Variants in COL21A1 observed in about 807,000 individuals in gnomAD.
COL21A1 encodes collagen alpha-1(XXI) chain.
Under a neutral mutation model 137.9 loss-of-function variants are expected in COL21A1, and 149 were observed. The ratio of observed to expected loss-of-function variants is 1.08; its 90% CI spans 0.95 to 1.24. The LOEUF (loss-of-function observed/expected upper bound fraction) is 1.24, where lower values mean the gene tolerates loss of function less well. Ranked by LOEUF, COL21A1 falls within the 50% of genes most tolerant of loss-of-function variation. The pLI, the probability that COL21A1 is intolerant of heterozygous loss-of-function variation, is 0.00. For missense variants in COL21A1, 1,167 were observed against 1,158.4 expected, an observed-to-expected ratio of 1.01 and a Z score of -0.11; for synonymous variants, 456 against 391.5, an observed-to-expected ratio of 1.16 and a Z score of -1.95.
intron 1 of COL21A1, among the ~76,000 whole-genome samples, chr6:56,269,602 C>T (rs1358849243): frequency 1.4e-5 from 2 of 143,022 alleles, no homozygotes; most frequent in African/African-American, 5.2e-5. Flanking sequence ...TTGCAGTGAG[C>T]CAAGATCCCG....
intron 3 of COL21A1, among the ~76,000 whole-genome samples, chr6:56,175,220 C>T (rs1234752808): frequency 6.6e-6 from 1 of 152,044 alleles, no homozygotes; most frequent in South Asian, 2.1e-4. Context: ...AGCTTTTCCT[C>T]TAAGATGAGG....
At chr6:56,118,381 G>A (rs963070073) in intron 16 of COL21A1, among the ~76,000 whole-genome samples, 2 of 151,816 alleles carry the variant, frequency 1.3e-5, no homozygotes, top group Non-Finnish European at 2.9e-5. Flanking sequence ...GATTAAACCA[G>A]GAAGAAATCC....
intron 1 of COL21A1, among the ~76,000 whole-genome samples, chr6:56,262,173 T>C (rs1379976574): frequency 1.3e-5 from 2 of 152,180 alleles, no homozygotes; most frequent in Non-Finnish European, 2.9e-5. Flanking sequence ...CATAAATGTG[T>C]CCCACCCTAA....
chr6:56,298,321 G>T (rs938737406), intron 1 of COL21A1, among the ~76,000 whole-genome samples: 1 of 152,032 alleles, frequency 6.6e-6, no homozygotes, highest in African/African-American at 2.4e-5. Flanking sequence ...TGAGTTAAAT[G>T]GAATGCAGTT....
chr6:56,089,220 G>C (rs1040635791), intron 17 of COL21A1, among the ~76,000 whole-genome samples: 1 of 152,122 alleles, frequency 6.6e-6, no homozygotes, highest in Non-Finnish European at 1.5e-5. Flanking sequence ...ACAGGAGGTG[G>C]CTATGAAATT....
intron 1 of COL21A1, among the ~76,000 whole-genome samples, chr6:56,361,830 A>G (rs1312564138): frequency 6.6e-6 from 1 of 152,138 alleles, no homozygotes. Flanking sequence ...AAGGCAACCA[A>G]TATCTCTTTA....
At chr6:56,202,574 T>C (rs899078302) in intron 1 of COL21A1, among the ~76,000 whole-genome samples, 5 of 152,180 alleles carry the variant, frequency 3.3e-5, no homozygotes, top group African/African-American at 1.2e-4. Context: ...TGATAATGCC[T>C]TCCTCATCTC....
chr6:56,129,640 CGTGT>C (rs1008520102), intron 12 of COL21A1, among the ~76,000 whole-genome samples: 3 of 145,258 alleles, frequency 2.1e-5, no homozygotes, highest in East Asian at 2.1e-4. Context: ...CACGTGCGTG[CGTGT>C]GTGTGTGTTG....
In COL21A1 at chr6:56,182,653, A is replaced by G; in HGVS notation, c.-35T>C. The G allele has an allele frequency of 7.1e-7, 1 of 1,414,348 alleles. No individual in the cohort carries two copies. The highest frequency in any genetic ancestry group is 9.8e-7 in the Non-Finnish European group (1 of 1,017,206). The allele number at this position is 1,414,348 out of a possible 1,614,324, so 87.6% of individuals were successfully genotyped here. Reference sequence around the variant, plus strand: ...TTCGTTCTAATATTTTGGTTTTAGGATTCCTAGGGGGAAAAAAAAGGCAAG... The same window carrying G: ...TTCGTTCTAATATTTTGGTTTTAGGGTTCCTAGGGGGAAAAAAAAGGCAAG... On this transcript the variant is annotated 5_prime_UTR_variant, in exon 2 of 30. Transcript: ENST00000244728.
intron 1 of COL21A1, among the ~76,000 whole-genome samples, chr6:56,382,667 A>G (rs1012120239): frequency 6.6e-6 from 1 of 152,196 alleles, no homozygotes; most frequent in African/African-American, 2.4e-5. Context: ...CTCTAGGCTC[A>G]GGAACCAAGA....
At chr6:56,126,069 T>A (rs1252077874) in intron 13 of COL21A1, 27 bp downstream of exon 13, 1 of 1,457,068 alleles carries the variant, frequency 6.9e-7, no homozygotes, top group African/African-American at 1.4e-5. Flanking sequence ...GGCTTTGCTA[T>A]ATTTAAAAGA....
At chr6:56,225,361 T>C (rs1781120837) in intron 1 of COL21A1, among the ~76,000 whole-genome samples, 1 of 152,104 alleles carries the variant, frequency 6.6e-6, no homozygotes, top group Non-Finnish European at 1.5e-5. Context: ...TGACTCAAAA[T>C]TTCTGAACTC....
At chr6:56,131,335 G>C (rs889033617) in intron 12 of COL21A1, among the ~76,000 whole-genome samples, 1 of 151,262 alleles carries the variant, frequency 6.6e-6, no homozygotes, top group African/African-American at 2.4e-5. Flanking sequence ...GGAAGTATTT[G>C]ACAAGGTACT....
At chr6:56,211,390 T>C (rs527453587) in intron 1 of COL21A1, among the ~76,000 whole-genome samples, 23 of 151,996 alleles carry the variant, frequency 1.5e-4, no homozygotes, top group Non-Finnish European at 2.1e-4. Context: ...CAGTTAGTCT[T>C]GTTTTACTCT....
rs142365533 is a variant in COL21A1, at chr6:56,169,858, T to C, written c.1026+791A>G. Among the ~76,000 whole-genome samples, 697 of 152,078 alleles carry C rather than the reference T, an allele frequency of 4.6e-3. 10 individuals carry two copies. The highest frequency in any genetic ancestry group is 0.016 in the African/African-American group (670 of 41,542). On this transcript the variant is annotated intron_variant, in intron 5 of 29. Transcript: ENST00000244728. Reference sequence around the variant, plus strand: ...GTAAGAAACATGCCTTATTCATTTGTCATTTCTTACAGAATCTGGCACACT... The same window carrying C: ...GTAAGAAACATGCCTTATTCATTTGCCATTTCTTACAGAATCTGGCACACT...
chr6:56,201,352 TG>T (rs1283664391), intron 1 of COL21A1, among the ~76,000 whole-genome samples: 2 of 152,244 alleles, frequency 1.3e-5, no homozygotes, highest in Non-Finnish European at 2.9e-5. Flanking sequence ...CCATTGCTTT[TG>T]GTGTTTTGGA....
At chr6:56,300,315 G>T (rs1250555909) in intron 1 of COL21A1, among the ~76,000 whole-genome samples, 1 of 152,050 alleles carries the variant, frequency 6.6e-6, no homozygotes, top group Non-Finnish European at 1.5e-5. Flanking sequence ...GGCAGTCATG[G>T]GATGATAGTT....
intron 16 of COL21A1, among the ~76,000 whole-genome samples, chr6:56,123,369 T>C (rs2841007): frequency 0.75 from 114,849 of 152,142 alleles, 44,164 homozygotes; most frequent in African/African-American, 0.89. Context: ...GCACTTGAAG[T>C]AAATAAATGA....
chr6:56,347,380 T>C (rs1765618657), intron 1 of COL21A1, among the ~76,000 whole-genome samples: 1 of 152,124 alleles, frequency 6.6e-6, no homozygotes, highest in African/African-American at 2.4e-5. Context: ...CTGTCTGATC[T>C]CCTTGCCCTG....
Sources: gnomAD v4.1 joint callset for allele counts (sites outside exome capture counted in the v4.1 genomes callset) on GRCh38, gnomAD v4.1.1 for gene constraint, MANE v1.5 for transcripts, NCBI Gene and HGNC (gene_info 2026-07-23, HGNC 2026-07-21) for gene names.